RNF169: variants seen among roughly 807,000 people sequenced by gnomAD.
RNF169 encodes the protein E3 ubiquitin-protein ligase RNF169.
Under a neutral mutation model 53.9 loss-of-function variants are expected in RNF169, and 24 were observed. The ratio of observed to expected loss-of-function variants is 0.45; its 90% CI spans 0.32 to 0.63. The LOEUF (loss-of-function observed/expected upper bound fraction) is 0.63. Among genes scored for constraint, RNF169 ranks in the 20% least tolerant of loss-of-function variants. The pLI is 0.04. For missense variants in RNF169, 883 were observed against 906.2 expected, an observed-to-expected ratio of 0.97 and a Z score of 0.33; for synonymous variants, 396 against 363.5, an observed-to-expected ratio of 1.09 and a Z score of -1.02.
chr11:74,768,992 A>C (rs762972576), intron 1 of RNF169, among the ~76,000 whole-genome samples: 3 of 152,108 alleles, frequency 2.0e-5, no homozygotes, highest in Non-Finnish European at 4.4e-5. Context: ...GGCTGCAGTG[A>C]GTGCTCTAGC....
rs1591442183 is a variant in RNF169 at position 74,841,027 on chromosome 11, G to A, written c.*4297G>A. 6.6e-6 allele frequency: 1 copy of A among 152,036 alleles called. No individual in the cohort carries two copies. The highest frequency in any genetic ancestry group is 2.1e-4 in the South Asian group (1 of 4,820). The allele number at this position is 152,036 out of a possible 1,614,324, so 9.4% of individuals were successfully genotyped here. A position where few individuals can be genotyped will look rare whatever the true frequency, so the allele number is the denominator to read the frequency against. On this transcript the variant is annotated 3_prime_UTR_variant, in exon 6 of 6. Transcript: ENST00000299563. ...CTATAGCCCCTGAATACATGCTCAG[G>A]TAGAGAAAGTCTCCATAGTATAAGT...
At position 74,835,585 on chromosome 11, in the gene RNF169, G is replaced by A; in HGVS notation, c.982G>A (p.Val328Ile). Residue 328 changes from valine to isoleucine, a missense_variant, in exon 6 of 6, where the codon GTC becomes ATC. By Grantham distance (29) the Val-to-Ile change is conservative. Coordinates refer to ENST00000299563, the MANE Select transcript of RNF169 (RefSeq NM_001098638.2). ...TCCAGCCTCCAACCCCATCATTGGTGTCCTCTTGTCAACTCAAAACAACCG... is the reference window on the plus strand; with the variant it reads ...TCCAGCCTCCAACCCCATCATTGGTATCCTCTTGTCAACTCAAAACAACCG... The part of the protein sequence containing the change: ...MTPASNPIIG[V>I]LLSTQNNRCV... The A allele has an allele frequency of 6.2e-7, 1 of 1,614,128 alleles. No homozygotes were observed. The highest frequency in any genetic ancestry group is 1.1e-5 in the South Asian group (1 of 91,080).
intron 3 of RNF169, among the ~76,000 whole-genome samples, chr11:74,813,809 G>T (rs2035906023): frequency 6.6e-6 from 1 of 152,072 alleles, no homozygotes; most frequent in African/African-American, 2.4e-5. Flanking sequence ...TCCTGCCTCA[G>T]CCTCCTGTGT....
chr11:74,784,414 G>T (rs894611927), intron 1 of RNF169, among the ~76,000 whole-genome samples: 1 of 152,206 alleles, frequency 6.6e-6, no homozygotes, highest in African/African-American at 2.4e-5. Flanking sequence ...GTTGTATTCT[G>T]TGCTGTGATT....
In RNF169 at chr11:74,749,388, G is replaced by GCTTC. The variant is rs2034848247; in HGVS notation, c.502+8_502+11dup. The GCTTC allele has an allele frequency of 8.0e-7, 1 of 1,249,100 alleles. No homozygotes were observed. Among genetic ancestry groups the GCTTC allele is most frequent in the Non-Finnish European group, 1.0e-6 (1 of 993,320 alleles). The allele number at this position is 1,249,100 out of a possible 1,614,324, so 77.4% of individuals were successfully genotyped here. The stretch of plus-strand genomic sequence containing the variant: ...TGCCGCGCCTGCGGAGCCAGGTGGA[G>GCTTC]CTTCCCCACTTCCCCTTAGGGTCTG... On this transcript the variant is annotated splice_region_variant and intron_variant, in intron 1 of 5. Coordinates refer to ENST00000299563, the MANE Select transcript of RNF169 (RefSeq NM_001098638.2).
intron 1 of RNF169, among the ~76,000 whole-genome samples, chr11:74,762,955 A>G (rs893241753): frequency 6.6e-5 from 10 of 152,222 alleles, no homozygotes; most frequent in Non-Finnish European, 1.2e-4. Context: ...AAAAGGAATC[A>G]GAACTAAGAT....
chr11:74,815,371 C>T (rs1244755685), intron 3 of RNF169, among the ~76,000 whole-genome samples: 1 of 152,136 alleles, frequency 6.6e-6, no homozygotes, highest in African/African-American at 2.4e-5. Context: ...GCCTGGCCAG[C>T]ATGGTGAAAC....
rs1230736435 is a variant in RNF169 at position 74,821,657 on chromosome 11, C to CAAA, written c.842+3966_842+3968dup. Among the ~76,000 whole-genome samples the CAAA allele has an allele frequency of 1.8e-3, 47 of 26,050 alleles. 2 individuals carry two copies. The highest frequency in any genetic ancestry group is 6.7e-3 in the East Asian group (7 of 1,042). The allele number at this position is 26,050 out of a possible 152,430, so 17.1% of individuals were successfully genotyped here. A position where few individuals can be genotyped will look rare whatever the true frequency, so the allele number is the denominator to read the frequency against. ...TGGGCGACAGAGCGAGACTCCGTCT[C>CAAA]AAAAAAAAAAAAAAAAAAAAAAAAA... is the stretch of plus-strand genomic sequence containing the variant. On this transcript the variant is annotated intron_variant, in intron 4 of 5. Transcript: ENST00000299563.
intron 4 of RNF169, among the ~76,000 whole-genome samples, chr11:74,827,561 T>A (rs995693810): frequency 7.2e-5 from 11 of 152,180 alleles, no homozygotes; most frequent in Non-Finnish European, 1.6e-4. Flanking sequence ...CTTTTAAACA[T>A]AAGTTCCAAT....
At chr11:74,749,521 C>G (rs1304788238) in intron 1 of RNF169, 139 bp downstream of exon 1, 1 of 710,540 alleles carries the variant, frequency 1.4e-6, no homozygotes, top group African/African-American at 1.9e-5. Context: ...CCGGGCTCTA[C>G]CCAGGTGCAG....
At position 74,834,694 on chromosome 11, in the gene RNF169, G is replaced by T; in HGVS notation, c.861G>T (p.Val287=). 6.2e-7 allele frequency: 1 copy of T among 1,612,414 alleles called. No individual in the cohort carries two copies. The highest frequency in any genetic ancestry group is 8.5e-7 in the Non-Finnish European group (1 of 1,179,336). ...TTTTTAGGAAGCTAAACTCCAAGGT[G>T]GAAAGGAGTCAGAGCTGTAGTGACA... The part of the protein sequence containing the change: ...AFLAGKLNSK[V]ERSQSCSDTA... Residue 287 remains valine, a synonymous_variant, in exon 5 of 6, where the codon GTG becomes GTT. Coordinates refer to ENST00000299563, the MANE Select transcript of RNF169 (RefSeq NM_001098638.2).
chr11:74,756,257 T>C (rs1270652978), intron 1 of RNF169, among the ~76,000 whole-genome samples: 1 of 152,214 alleles, frequency 6.6e-6, no homozygotes, highest in Non-Finnish European at 1.5e-5. Flanking sequence ...TGTGGTATTA[T>C]AAGTATTATA....
At chr11:74,804,002 A>G (rs768630639) in intron 2 of RNF169, among the ~76,000 whole-genome samples, 2 of 152,172 alleles carry the variant, frequency 1.3e-5, no homozygotes, top group Admixed American at 6.5e-5. Context: ...ATTTTGTTCA[A>G]CATCATTTCA....
chr11:74,758,077 C>T (rs1338427037), intron 1 of RNF169, among the ~76,000 whole-genome samples: 3 of 66,112 alleles, frequency 4.5e-5, no homozygotes, highest in Non-Finnish European at 7.4e-5. Flanking sequence ...CTTGCCCACG[C>T]CTATGTCCTG....
chr11:74,814,983 G>A (rs1260139094), intron 3 of RNF169, among the ~76,000 whole-genome samples: 1 of 152,164 alleles, frequency 6.6e-6, no homozygotes, highest in African/African-American at 2.4e-5. Context: ...CCAGTAGTAT[G>A]TGAGGAGTAC....
chr11:74,781,293 A>G (rs751281777), intron 1 of RNF169, among the ~76,000 whole-genome samples: 3 of 152,366 alleles, frequency 2.0e-5, no homozygotes, highest in African/African-American at 7.2e-5. Flanking sequence ...CTAACTGCCT[A>G]TCAGAGAAGA....
chr11:74,760,604 C>T (rs1260638435), intron 1 of RNF169, among the ~76,000 whole-genome samples: 2 of 151,398 alleles, frequency 1.3e-5, no homozygotes, highest in East Asian at 3.9e-4. Context: ...GTTCAGTTTC[C>T]ATGTAGTTGA....
intron 1 of RNF169, among the ~76,000 whole-genome samples, chr11:74,785,231 T>TTATA (rs1215009808): frequency 1.1e-5 from 1 of 87,024 alleles, no homozygotes; most frequent in African/African-American, 6.6e-5. Context: ...GTTATATATA[T>TTATA]TATATATATG....
intron 1 of RNF169, among the ~76,000 whole-genome samples, chr11:74,778,763 A>G (rs2035374216): frequency 6.6e-6 from 1 of 152,244 alleles, no homozygotes; most frequent in South Asian, 2.1e-4. Context: ...CATATGGCCC[A>G]TGTTCCACTG....
Sources: gnomAD v4.1 joint callset for allele counts (sites outside exome capture counted in the v4.1 genomes callset) on GRCh38, gnomAD v4.1.1 for gene constraint, MANE v1.5 for transcripts, NCBI Gene and HGNC (gene_info 2026-07-23, HGNC 2026-07-21) for gene names.